The following SATB1 variants were observed in gnomAD, a reference collection of about 807,000 sequenced individuals.
SATB1 encodes DNA-binding protein SATB1.
A neutral mutation model predicts 86.9 loss-of-function variants in SATB1; 11 were observed. The observed-to-expected ratio is 0.13, with a 90% CI of 0.08 to 0.21. SATB1 has a LOEUF of 0.21. SATB1 is among the 10% of genes least tolerant of loss of function. The pLI, the probability that SATB1 is intolerant of heterozygous loss-of-function variation, is 1.00. For synonymous variants in SATB1, 357 were observed against 357.2 expected (o/e 1.00, Z 0.01); for missense variants, 551 against 937.6 (o/e 0.59, Z 5.39).
chr3:18,349,475 T>C lies in SATB1; in HGVS notation c.1987A>G (p.Ile663Val), dbSNP rs1246085973. Residue 663 changes from isoleucine (I) to valine (V), a missense_variant, in exon 11 of 11, where the codon ATA (isoleucine) becomes GTA (valine). By Grantham distance (29) the Ile-to-Val change is conservative. Transcript: ENST00000338745. The surrounding 1 kb of genome is among the most constrained non-coding windows in gnomAD (Gnocchi z 5.5). ...TCAGGGTACAGGCCCACGTCTTGTA[T>C]GAAACTCTGGAGGATTCCCAAGGCT... Reference protein sequence around the residue: ...VEALGILQSFIQDVGLYPDEE... With the variant: ...VEALGILQSFVQDVGLYPDEE... 1 of 1,614,082 alleles carries C rather than the reference T, an allele frequency of 6.2e-7. No individual in the cohort carries two copies. The highest frequency in any genetic ancestry group is 8.5e-7 in the Non-Finnish European group (1 of 1,180,054).
chr3:18,384,874 G>A (rs1443888475), intron 8 of SATB1, among the ~76,000 whole-genome samples: 5 of 152,054 alleles, frequency 3.3e-5, no homozygotes, highest in African/African-American at 1.2e-4. Context: ...GTATATAGAT[G>A]CCATGCTTTT....
In SATB1 at chr3:18,420,836, C is replaced by A; in HGVS notation, c.132G>T (p.Arg44Ser). ...GCATTTTTGCACCTGTACTCCCAAG[C>A]CTTCCTCTTCCTAGCGGGCTCCCGT... is the stretch of plus-strand genomic sequence containing the variant. ...EQNGSPLGRGRLGSTGAKMQG... is the reference protein window; with the variant it reads ...EQNGSPLGRGSLGSTGAKMQG... Residue 44 changes from arginine to serine, a missense_variant, in exon 2 of 11, where the codon AGG becomes AGT. Arg to Ser is a moderately radical substitution (Grantham distance 110, BLOSUM62 -1). Coordinates refer to ENST00000338745, the MANE Select transcript of SATB1 (RefSeq NM_002971.6). The A allele has an allele frequency of 1.2e-6, 2 of 1,614,172 alleles. No individual in the cohort carries two copies. The highest frequency in any genetic ancestry group is 1.7e-6 in the Non-Finnish European group (2 of 1,180,036).
At chr3:18,383,089 T>A (rs1696144356) in intron 8 of SATB1, among the ~76,000 whole-genome samples, 1 of 152,220 alleles carries the variant, frequency 6.6e-6, no homozygotes. Context: ...ATGTAAGTTG[T>A]GAAAATGTTT....
chr3:18,431,815 G>T, intron 2 of SATB1, among the ~76,000 whole-genome samples: 1 of 152,250 alleles, frequency 6.6e-6, no homozygotes, highest in African/African-American at 2.4e-5. Flanking sequence ...TAAAAGTGGG[G>T]GCAGGAAGCT....
chr3:18,365,838 A>G (rs1695157300), intron 9 of SATB1, among the ~76,000 whole-genome samples: 1 of 152,170 alleles, frequency 6.6e-6, no homozygotes, highest in African/African-American at 2.4e-5. Context: ...CTAAAATAAA[A>G]TCATTACCCA....
intron 8 of SATB1, among the ~76,000 whole-genome samples, chr3:18,381,228 T>C (rs1402780939): frequency 3.3e-5 from 5 of 152,232 alleles, no homozygotes; most frequent in African/African-American, 1.2e-4. Context: ...GCTGTATGCA[T>C]TGAATCATGC....
intron 2 of SATB1, among the ~76,000 whole-genome samples, chr3:18,431,836 T>C (rs568317963): frequency 2.5e-4 from 38 of 152,316 alleles, no homozygotes; most frequent in African/African-American, 9.1e-4. Context: ...ACTGGATCAT[T>C]GATTTGGCAA....
intron 5 of SATB1, chr3:18,408,836 T>A (rs911348149): frequency 1.3e-5 from 2 of 152,022 alleles, no homozygotes; most frequent in Non-Finnish European, 2.9e-5. Context: ...CTAAAACTAG[T>A]TCTGTTTTAG....
chr3:18,416,885 A>G lies in SATB1; in HGVS notation c.388+17T>C, dbSNP rs925867224. 6.3e-7 allele frequency: 1 copy of G among 1,586,406 alleles called. No individual in the cohort carries two copies. Among genetic ancestry groups the G allele is most frequent in the African/African-American group, 1.4e-5 (1 of 73,314 alleles). On this transcript the variant is annotated intron_variant, in intron 3 of 10. Transcript: ENST00000338745. ...AATGCTAAGCAATTTTTCCAACCCC[A>G]CGTACACATTATTTACCTTTGGCCT...
intron 4 of SATB1, 134 bp downstream of exon 4, chr3:18,415,873 A>C: frequency 1.5e-6 from 1 of 667,570 alleles, no homozygotes; most frequent in Non-Finnish European, 2.3e-6. Context: ...AGGATAGGGT[A>C]ACAAAATCGA....
At chr3:18,415,355 C>A (rs1370787542) in intron 4 of SATB1, 121 bp from the exon 5 acceptor site, 7 of 1,132,342 alleles carry the variant, frequency 6.2e-6, no homozygotes, top group Non-Finnish European at 8.9e-6. Flanking sequence ...AGATTGCTCT[C>A]GGTCTCCTGA....
intron 9 of SATB1, among the ~76,000 whole-genome samples, chr3:18,372,717 T>C (rs1305212365): frequency 2.0e-5 from 3 of 152,226 alleles, no homozygotes; most frequent in East Asian, 3.8e-4. Flanking sequence ...ACCTTCAAAC[T>C]ATTAATGTCA....
chr3:18,385,397 A>G (rs1451664342), intron 8 of SATB1, among the ~76,000 whole-genome samples: 3 of 151,956 alleles, frequency 2.0e-5, no homozygotes, highest in African/African-American at 7.2e-5. Context: ...CCGAGGTGGG[A>G]GGATCATGAG....
At chr3:18,414,794 G>T (rs1698033250) in intron 5 of SATB1, among the ~76,000 whole-genome samples, 1 of 152,006 alleles carries the variant, frequency 6.6e-6, no homozygotes, top group Non-Finnish European at 1.5e-5. Context: ...TCTTAAATAA[G>T]GGCATTCAGG....
chr3:18,376,619 G>C lies in SATB1; in HGVS notation c.1575+1551C>G. Among the ~76,000 whole-genome samples the C allele has an allele frequency of 1.3e-5, 2 of 152,056 alleles. 1 individual carries two copies. The highest frequency in any genetic ancestry group is 3.9e-4 in the East Asian group (2 of 5,192). On this transcript the variant is annotated intron_variant, in intron 9 of 10. Transcript: ENST00000338745. ...AGACCAGGACATTTCTCTTAAATGCGTAGTCTTGGCATGTAAATGAAGACA... is the reference window on the plus strand; with the variant it reads ...AGACCAGGACATTTCTCTTAAATGCCTAGTCTTGGCATGTAAATGAAGACA...
chr3:18,409,612 T>C lies in SATB1; in HGVS notation c.639+5499A>G, dbSNP rs1697727652. ...CTGAAAAGTGGTCATAATATCCAAT[T>C]AGTATCAAGTACTTCAGTGCCTGGC... On this transcript the variant is annotated intron_variant, in intron 5 of 10. Coordinates refer to ENST00000338745, the MANE Select transcript of SATB1 (RefSeq NM_002971.6). 3.9e-5 allele frequency: 6 copies of C among 152,076 alleles called. No homozygotes were observed. In the South Asian group the frequency reaches 1.2e-3, roughly 31 times the overall value. 9.4% of individuals were successfully genotyped at this position (152,076 alleles called of 1,614,324 possible).
chr3:18,412,510 C>T (rs745780854), intron 5 of SATB1, among the ~76,000 whole-genome samples: 6 of 151,984 alleles, frequency 3.9e-5, no homozygotes, highest in Non-Finnish European at 8.8e-5. Flanking sequence ...CAAAATAAAA[C>T]CCTTACTGTA....
chr3:18,349,529 T>A lies in SATB1; in HGVS notation c.1933A>T (p.Thr645Ser). The A allele has an allele frequency of 6.2e-7, 1 of 1,614,004 alleles. No individual in the cohort carries two copies. The highest frequency in any genetic ancestry group is 1.3e-5 in the African/African-American group (1 of 75,000). ...ACTGAAATTTTTGTTCGTGGCCGGG[T>A]CTTCTGTCGGTTTTCCTCATCTGAC... Reference protein sequence around the residue: ...AESDEENRQKTRPRTKISVEA... With the variant: ...AESDEENRQKSRPRTKISVEA... The change falls in exon 11 of 11, where the codon ACC (threonine) becomes TCC (serine). Residue 645 changes from threonine to serine, a missense_variant. Coordinates refer to ENST00000338745, the MANE Select transcript of SATB1 (RefSeq NM_002971.6). The surrounding 1 kb of genome is among the most constrained non-coding windows in gnomAD (Gnocchi z 5.5).
chr3:18,371,837 T>C (rs1214789439), intron 9 of SATB1, among the ~76,000 whole-genome samples: 1 of 152,218 alleles, frequency 6.6e-6, no homozygotes, highest in Non-Finnish European at 1.5e-5. Context: ...GGTAGATTGT[T>C]AAAGGATTAT....
Sources: allele counts gnomAD v4.1 joint callset (sites outside exome capture counted in the v4.1 genomes callset), GRCh38; gene constraint gnomAD v4.1.1; non-coding constraint Gnocchi (gnomAD v3.1); transcripts MANE v1.5; gene names NCBI Gene and HGNC (gene_info 2026-07-23, HGNC 2026-07-21).